Variants in MAGI3 observed in about 807,000 individuals in gnomAD.
The protein encoded by MAGI3 is membrane associated guanylate kinase, WW and PDZ domain containing 3.
A neutral mutation model predicts 121.8 loss-of-function variants in MAGI3; 43 were observed. The ratio of observed to expected loss-of-function variants is 0.35; its 90% CI spans 0.28 to 0.46. The LOEUF (loss-of-function observed/expected upper bound fraction) is 0.46, where lower values mean the gene tolerates loss of function less well. Among genes scored for constraint, MAGI3 ranks in the 20% least tolerant of loss-of-function variants. The pLI is 1.00. For synonymous variants in MAGI3, 553 were observed against 639.3 expected (o/e 0.86, Z 2.04); for missense variants, 1,547 against 1,797.3 (o/e 0.86, Z 2.52).
At chr1:113,551,324 C>T (rs1659779282) in intron 2 of MAGI3, among the ~76,000 whole-genome samples, 1 of 152,160 alleles carries the variant, frequency 6.6e-6, no homozygotes, top group African/African-American at 2.4e-5. Context: ...CCTCTCATTT[C>T]ACCTCGATTC....
chr1:113,623,246 G>A (rs1299438615), intron 9 of MAGI3, among the ~76,000 whole-genome samples: 1 of 151,698 alleles, frequency 6.6e-6, no homozygotes, highest in Non-Finnish European at 1.5e-5. Flanking sequence ...CCACATCATA[G>A]AAAATGTGGT....
chr1:113,585,668 C>G (rs1364615620), intron 4 of MAGI3, 72 bp downstream of exon 4: 3 of 1,384,746 alleles, frequency 2.2e-6, no homozygotes, highest in Non-Finnish European at 3.0e-6. Flanking sequence ...ATTAAAAGCA[C>G]TAAAATTTTT....
intron 1 of MAGI3, among the ~76,000 whole-genome samples, chr1:113,437,858 T>TTCC (rs1364818985): frequency 1.1e-4 from 6 of 57,116 alleles, no homozygotes. Flanking sequence ...CTTCTTCTTC[T>TTCC]TCTTCCTCTT....
At chr1:113,539,211 G>A (rs1570822582) in intron 1 of MAGI3, among the ~76,000 whole-genome samples, 1 of 152,032 alleles carries the variant, frequency 6.6e-6, no homozygotes, top group East Asian at 1.9e-4. Flanking sequence ...TGGCCAACAT[G>A]GTGAAACCCC....
intron 9 of MAGI3, among the ~76,000 whole-genome samples, chr1:113,628,351 TTTG>T (rs1651373151): frequency 6.6e-6 from 1 of 152,140 alleles, no homozygotes; most frequent in Middle Eastern, 3.2e-3. Context: ...TTTTAAATTT[TTTG>T]TTATTTCTCT....
chr1:113,433,667 A>C (rs917620133), intron 1 of MAGI3, among the ~76,000 whole-genome samples: 2 of 152,214 alleles, frequency 1.3e-5, no homozygotes, highest in African/African-American at 4.8e-5. Flanking sequence ...AATAATAATT[A>C]TGTGAAAAAA....
chr1:113,404,826 C>T (rs947886915), intron 1 of MAGI3, among the ~76,000 whole-genome samples: 2 of 152,002 alleles, frequency 1.3e-5, no homozygotes, highest in African/African-American at 4.8e-5. Flanking sequence ...AACTCTTCAC[C>T]CCAAGGTCTA....
intron 6 of MAGI3, among the ~76,000 whole-genome samples, chr1:113,596,339 T>C (rs1649011086): frequency 6.6e-6 from 1 of 152,178 alleles, no homozygotes; most frequent in Non-Finnish European, 1.5e-5. Context: ...AAACAGTTAA[T>C]TTCAGATGAA....
Position 113,575,776 on chromosome 1 carries a change from G to A in MAGI3, c.434-4766G>A, listed in dbSNP as rs114450396. ...GGCAGGCAGGAACATTTAAGTTACTGAAGCTGCACCCACAGCTGCCCCTTC... is the reference window on the plus strand; with the variant it reads ...GGCAGGCAGGAACATTTAAGTTACTAAAGCTGCACCCACAGCTGCCCCTTC... On this transcript the variant is annotated intron_variant, in intron 2 of 20. Transcript: ENST00000307546. 8.0e-3 allele frequency among the ~76,000 whole-genome samples: 1,217 copies of A among 152,310 alleles called. 20 individuals carry two copies. The highest frequency in any genetic ancestry group is 0.027 in the African/African-American group (1,119 of 41,572).
At chr1:113,405,090 G>A (rs992964583) in intron 1 of MAGI3, among the ~76,000 whole-genome samples, 1 of 152,276 alleles carries the variant, frequency 6.6e-6, no homozygotes. Context: ...AAAGAAGGCA[G>A]GGTGAAGTGT....
At chr1:113,428,730 T>C (rs1022245826) in intron 1 of MAGI3, among the ~76,000 whole-genome samples, 1 of 152,224 alleles carries the variant, frequency 6.6e-6, no homozygotes, top group African/African-American at 2.4e-5. Flanking sequence ...AAATTGGGCA[T>C]AAATTTAACA....
intron 2 of MAGI3, among the ~76,000 whole-genome samples, chr1:113,550,182 G>A (rs1443947384): frequency 1.3e-5 from 2 of 151,544 alleles, no homozygotes; most frequent in African/African-American, 4.8e-5. Flanking sequence ...AGGCCGAGGC[G>A]GACGGATCAC....
chr1:113,657,633 G>A (rs1243577811), intron 15 of MAGI3, among the ~76,000 whole-genome samples: 2 of 152,194 alleles, frequency 1.3e-5, no homozygotes, highest in African/African-American at 2.4e-5. Context: ...GAATAACTGA[G>A]ATATTGATTT....
chr1:113,520,583 T>A lies in MAGI3; in HGVS notation c.317-28932T>A, dbSNP rs539859598. Among the ~76,000 whole-genome samples the A allele has an allele frequency of 3.3e-5, 5 of 152,040 alleles. No homozygotes were observed. The East Asian group carries it at 9.7e-4, about 29-fold the overall frequency. ...GGCTTTTTTTTAAAAAAAATTTTAG[T>A]CTCCTGTTTTCTTACTTTCTTTCTT... is the stretch of plus-strand genomic sequence containing the variant. On this transcript the variant is annotated intron_variant, in intron 1 of 20. Coordinates refer to ENST00000307546, the MANE Select transcript of MAGI3 (RefSeq NM_001142782.2).
intron 1 of MAGI3, among the ~76,000 whole-genome samples, chr1:113,418,302 C>CT (rs1054927908): frequency 6.6e-6 from 1 of 152,112 alleles, no homozygotes; most frequent in Non-Finnish European, 1.5e-5. Flanking sequence ...CCCCAACCCA[C>CT]TTTTCCTGTT....
intron 5 of MAGI3, among the ~76,000 whole-genome samples, chr1:113,593,083 G>A (rs4839329): frequency 0.1 from 15,725 of 152,146 alleles, 1,039 homozygotes; most frequent in East Asian, 0.19. Flanking sequence ...GGCAGTGGCT[G>A]CAGAGCTCTG....
intron 1 of MAGI3, among the ~76,000 whole-genome samples, chr1:113,404,991 T>G (rs1327456398): frequency 6.6e-6 from 1 of 152,172 alleles, no homozygotes; most frequent in Admixed American, 6.5e-5. Context: ...TTTTGTTTAT[T>G]TATTTATGCT....
chr1:113,440,673 C>T (rs1477761752), intron 1 of MAGI3, among the ~76,000 whole-genome samples: 1 of 152,152 alleles, frequency 6.6e-6, no homozygotes. Context: ...TAGGGATGAG[C>T]ACATTGCTCC....
At chr1:113,562,309 A>G (rs1480722742) in intron 2 of MAGI3, among the ~76,000 whole-genome samples, 2 of 152,232 alleles carry the variant, frequency 1.3e-5, no homozygotes, top group Non-Finnish European at 2.9e-5. Flanking sequence ...AGGCTGAGGC[A>G]GGAGAATGGC....
Sources: allele counts gnomAD v4.1 joint callset (sites outside exome capture counted in the v4.1 genomes callset), GRCh38; gene constraint gnomAD v4.1.1; transcripts MANE v1.5; gene names NCBI Gene and HGNC (gene_info 2026-07-23, HGNC 2026-07-21).